Variants in ILRUN observed in about 807,000 individuals in gnomAD.
ILRUN encodes the protein protein ILRUN.
Under a neutral mutation model 33.8 loss-of-function variants are expected in ILRUN, and 3 were observed. The ratio of observed to expected loss-of-function variants is 0.09; its 90% CI spans 0.04 to 0.23. The LOEUF (loss-of-function observed/expected upper bound fraction) is 0.23, where lower values mean the gene tolerates loss of function less well. ILRUN is among the 10% of genes least tolerant of loss of function. The pLI is 1.00. For missense variants in ILRUN, 210 were observed against 375.1 expected, an observed-to-expected ratio of 0.56 and a Z score of 3.64; for synonymous variants, 124 against 138.9, an observed-to-expected ratio of 0.89 and a Z score of 0.75.
At chr6:34,615,979 A>G (rs191460159) in intron 3 of ILRUN, among the ~76,000 whole-genome samples, 1 of 152,310 alleles carries the variant, frequency 6.6e-6, no homozygotes, top group East Asian at 1.9e-4. Flanking sequence ...AAGAGAAACC[A>G]CTTAAGCCAA....
At chr6:34,684,111 T>C (rs1313167055) in intron 1 of ILRUN, among the ~76,000 whole-genome samples, 1 of 151,938 alleles carries the variant, frequency 6.6e-6, no homozygotes, top group African/African-American at 2.4e-5. Context: ...ACATTTCCTA[T>C]AAAAACCTAT....
chr6:34,670,182 G>C (rs1047834935), intron 1 of ILRUN, among the ~76,000 whole-genome samples: 1 of 152,046 alleles, frequency 6.6e-6, no homozygotes, highest in Non-Finnish European at 1.5e-5. Context: ...CAAAGTGCTG[G>C]GATTACAGGC....
chr6:34,590,965 C>T (rs1049750513), intron 4 of ILRUN, among the ~76,000 whole-genome samples: 1 of 152,200 alleles, frequency 6.6e-6, no homozygotes, highest in Non-Finnish European at 1.5e-5. Context: ...TCCTTATATG[C>T]CATTCTATGC....
At chr6:34,687,817 C>G (rs146789479) in intron 1 of ILRUN, among the ~76,000 whole-genome samples, 2,152 of 151,230 alleles carry the variant, frequency 0.014, 23 homozygotes, top group Non-Finnish European at 0.022. Context: ...TTGCGACCAA[C>G]TCATACACCG....
At chr6:34,668,441 A>G (rs1368473308) in intron 1 of ILRUN, among the ~76,000 whole-genome samples, 2 of 152,210 alleles carry the variant, frequency 1.3e-5, no homozygotes, top group African/African-American at 4.8e-5. Context: ...ATCAAGTAAC[A>G]TTCAGCCCAC....
intron 3 of ILRUN, among the ~76,000 whole-genome samples, chr6:34,640,729 GAATGAATGAAT>G (rs1280872711): frequency 7.9e-6 from 1 of 127,318 alleles, no homozygotes; most frequent in Non-Finnish European, 1.6e-5. Flanking sequence ...ATGAATGAAT[GAATGAATGAAT>G]AAATAAATTA....
At chr6:34,650,839 A>C (rs965268411) in intron 2 of ILRUN, among the ~76,000 whole-genome samples, 1 of 152,158 alleles carries the variant, frequency 6.6e-6, no homozygotes, top group African/African-American at 2.4e-5. Flanking sequence ...TATCAGTCTC[A>C]TCTGTGGTAT....
In ILRUN at chr6:34,606,782, G is replaced by C. The variant is rs1236349643; in HGVS notation, c.634C>G (p.Pro212Ala). ...PHRKVEGNFN[P>A]FASPQKNRQS... ...CGGTTCTTTTGGGGAGAGGCAAAAG[G>C]GTTGAAGTTTCCTTCTACCTTACGA... The change falls in exon 4 of 5, where the codon CCT becomes GCT. Residue 212 changes from proline to alanine, a missense_variant. Transcript: ENST00000374023. 1 of 1,613,940 alleles carries C rather than the reference G, an allele frequency of 6.2e-7. No homozygotes were observed. Among genetic ancestry groups the C allele is most frequent in the Non-Finnish European group, 8.5e-7 (1 of 1,180,024 alleles).
intron 1 of ILRUN, among the ~76,000 whole-genome samples, chr6:34,659,608 A>G (rs1401095969): frequency 6.7e-6 from 1 of 148,876 alleles, no homozygotes; most frequent in Non-Finnish European, 1.5e-5. Flanking sequence ...ATATACATAC[A>G]TAAGGCAGTC....
intron 3 of ILRUN, among the ~76,000 whole-genome samples, chr6:34,636,214 C>G (rs764029365): frequency 2.0e-5 from 3 of 151,906 alleles, no homozygotes; most frequent in Non-Finnish European, 4.4e-5. Context: ...TGACACTGTC[C>G]AGCCTGGATG....
chr6:34,653,851 C>T (rs1375138831), intron 2 of ILRUN, among the ~76,000 whole-genome samples: 2 of 151,790 alleles, frequency 1.3e-5, no homozygotes, highest in East Asian at 3.9e-4. Flanking sequence ...CGCCTGTGGA[C>T]CCAGCTACTC....
At position 34,696,633 on chromosome 6, in the gene ILRUN, T is replaced by C. The variant is rs1268749672; in HGVS notation, c.-30A>G. 2.5e-6 allele frequency: 4 copies of C among 1,586,016 alleles called. No homozygotes were observed. Among genetic ancestry groups the C allele is most frequent in the Non-Finnish European group, 3.4e-6 (4 of 1,168,896 alleles). ...GGGACCGGACACCCGCTTCCCCGCCTCTTCACAACCAAGCCGCCGCCGCGC... is the reference window on the plus strand; with the variant it reads ...GGGACCGGACACCCGCTTCCCCGCCCCTTCACAACCAAGCCGCCGCCGCGC... On this transcript the variant is annotated 5_prime_UTR_variant, in exon 1 of 5. Coordinates refer to ENST00000374023, the MANE Select transcript of ILRUN (RefSeq NM_024294.4).
At position 34,587,354 on chromosome 6, in the gene ILRUN, C is replaced by A. The variant is rs1761213572; in HGVS notation, c.*3211G>T. On this transcript the variant is annotated 3_prime_UTR_variant, in exon 5 of 5. Coordinates refer to ENST00000374023, the MANE Select transcript of ILRUN (RefSeq NM_024294.4). ...TTTATACAATAAGGAAAAACCTCCTCATCTTTATCTCCTCCTAGGCACCAT... is the reference window on the plus strand; with the variant it reads ...TTTATACAATAAGGAAAAACCTCCTAATCTTTATCTCCTCCTAGGCACCAT... 6.6e-6 allele frequency: 1 copy of A among 152,616 alleles called. No homozygotes were observed. The highest frequency in any genetic ancestry group is 2.1e-4 in the South Asian group (1 of 4,832). 9.5% of individuals were successfully genotyped at this position (152,616 alleles called of 1,614,324 possible). A position where few individuals can be genotyped will look rare whatever the true frequency, so the allele number is the denominator to read the frequency against.
intron 3 of ILRUN, among the ~76,000 whole-genome samples, chr6:34,608,853 G>T (rs1250680814): frequency 6.6e-6 from 1 of 152,188 alleles, no homozygotes; most frequent in Non-Finnish European, 1.5e-5. Context: ...AATAAAAAAA[G>T]AAAGTAGCGG....
intron 3 of ILRUN, among the ~76,000 whole-genome samples, chr6:34,640,826 AT>A (rs924106630): frequency 2.0e-5 from 3 of 152,050 alleles, no homozygotes; most frequent in Non-Finnish European, 2.9e-5. Flanking sequence ...CATGCCTGTA[AT>A]CCCAGTACTT....
intron 4 of ILRUN, chr6:34,596,005 A>G (rs1761392190): frequency 5.7e-6 from 5 of 871,816 alleles, no homozygotes; most frequent in African/African-American, 1.8e-5. Context: ...CCTGATTTAT[A>G]CTGCAAACAT....
rs553686282 is a variant in ILRUN, at chr6:34,676,423, G to C, written c.158+20023C>G. Among the ~76,000 whole-genome samples the C allele has an allele frequency of 8.6e-4, 129 of 150,604 alleles. 1 individual carries two copies. Among genetic ancestry groups the C allele is most frequent in the African/African-American group, 3.1e-3 (127 of 40,446 alleles). ...CTCTCTCCATTTATATGTACAGATA[G>C]ATATAGCTAGCTAGCTAGCTAGATA... On this transcript the variant is annotated intron_variant, in intron 1 of 4. Coordinates refer to ENST00000374023, the MANE Select transcript of ILRUN (RefSeq NM_024294.4).
chr6:34,664,516 T>G (rs1308606731), intron 1 of ILRUN, among the ~76,000 whole-genome samples: 1 of 152,170 alleles, frequency 6.6e-6, no homozygotes, highest in African/African-American at 2.4e-5. Context: ...TCATAATAAC[T>G]CTGCTTCCAA....
chr6:34,616,539 T>C, intron 3 of ILRUN: 1 of 1,182,528 alleles, frequency 8.5e-7, no homozygotes, highest in Non-Finnish European at 1.2e-6. Context: ...GCTGGAACCA[T>C]GGAGGGTGTC....
Sources: gnomAD v4.1 joint callset for allele counts (sites outside exome capture counted in the v4.1 genomes callset) on GRCh38, gnomAD v4.1.1 for gene constraint, MANE v1.5 for transcripts, NCBI Gene and HGNC (gene_info 2026-07-23, HGNC 2026-07-21) for gene names.